The following WDR26 variants were observed in gnomAD, a reference collection of about 807,000 sequenced individuals.
WDR26 encodes the protein WD repeat domain 26.
In WDR26, 5 loss-of-function variants were observed where a neutral mutation model predicts 84.1. The ratio of observed to expected loss-of-function variants is 0.06; its 90% CI spans 0.03 to 0.13. The LOEUF (loss-of-function observed/expected upper bound fraction) is 0.13. Among genes scored for constraint, WDR26 ranks in the 10% least tolerant of loss-of-function variants. WDR26 has a pLI of 1.00. For synonymous variants in WDR26, 415 were observed against 389.6 expected (o/e 1.07, Z -0.77); for missense variants, 642 against 974.9 (o/e 0.66, Z 4.55).
At chr1:224,428,713 A>C (rs575710186) in intron 3 of WDR26, among the ~76,000 whole-genome samples, 1 of 150,960 alleles carries the variant, frequency 6.6e-6, no homozygotes, top group Non-Finnish European at 1.5e-5. Context: ...CCTGACCAAC[A>C]TGGTGAAAAC....
rs1673064525 is a variant in WDR26, at chr1:224,389,425, C to CT, written c.*409dup. 2.3e-6 allele frequency: 1 copy of CT among 438,186 alleles called. No homozygotes were observed. Among genetic ancestry groups the CT allele is most frequent in the East Asian group, 3.9e-5 (1 of 25,888 alleles). 27.1% of individuals were successfully genotyped at this position (438,186 alleles called of 1,614,324 possible). A position where few individuals can be genotyped will look rare whatever the true frequency, so the allele number is the denominator to read the frequency against. Reference sequence around the variant, plus strand: ...TGTATACTCTTCAGACTAATGCACTCTTTCTATCAAGCCTTCTAAACTGTT... The same window carrying CT: ...TGTATACTCTTCAGACTAATGCACTCTTTTCTATCAAGCCTTCTAAACTGTT... On this transcript the variant is annotated 3_prime_UTR_variant, in exon 14 of 14. Coordinates refer to ENST00000414423, the MANE Select transcript of WDR26 (RefSeq NM_001379403.1).
intron 7 of WDR26, among the ~76,000 whole-genome samples, chr1:224,405,630 CATATT>C (rs748073305): frequency 2.0e-5 from 3 of 152,178 alleles, no homozygotes; most frequent in African/African-American, 7.2e-5. Context: ...TACCCCCTCT[CATATT>C]ATAGGGAAAG....
chr1:224,404,492 C>T lies in WDR26; in HGVS notation c.1537G>A (p.Asp513Asn), dbSNP rs1553354952. The change falls in exon 8 of 14, where the codon GAC (aspartate) becomes AAC (asparagine). Residue 513 changes from aspartate to asparagine, a missense_variant. Asp to Asn is a conservative substitution (Grantham distance 23). Around this residue, in one of 2 missense-constraint regions of WDR26, gnomAD observed 351 missense variants for 672.8 expected, o/e 0.52. Transcript: ENST00000414423. ...GGGCCACAAGCAACAAGATAGTTGT[C>T]ATCTGGACTCCATGCAATATAAGAA... is the stretch of plus-strand genomic sequence containing the variant. 4 of 1,613,996 alleles carry T rather than the reference C, an allele frequency of 2.5e-6. No individual in the cohort carries two copies. Among genetic ancestry groups the T allele is most frequent in the East Asian group, 4.5e-5 (2 of 44,878 alleles).
chr1:224,417,392 T>C (rs1286395791), intron 6 of WDR26, among the ~76,000 whole-genome samples: 2 of 152,240 alleles, frequency 1.3e-5, no homozygotes, highest in East Asian at 3.8e-4. Flanking sequence ...CAATTTGTTA[T>C]TCGATATCTT....
chr1:224,401,085 ACTGTAAATGAGACCTT>A lies in WDR26; in HGVS notation c.1600-32_1600-17del. 1 of 1,608,890 alleles carries A rather than the reference ACTGTAAATGAGACCTT, an allele frequency of 6.2e-7. No individual in the cohort carries two copies. Among genetic ancestry groups the A allele is most frequent in the Admixed American group, 1.7e-5 (1 of 58,578 alleles). ...GTTCTCCTGTCTATAAGGAAATAAA[ACTGTAAATGAGACCTT>A]CAAGATACCCCTCTAAAGGAATTAT... is the stretch of plus-strand genomic sequence containing the variant. On this transcript the variant is annotated splice_polypyrimidine_tract_variant and intron_variant, in intron 8 of 13. Transcript: ENST00000414423.
intron 7 of WDR26, among the ~76,000 whole-genome samples, chr1:224,411,094 C>T (rs981119004): frequency 2.0e-5 from 3 of 152,152 alleles, no homozygotes; most frequent in African/African-American, 7.2e-5. Context: ...AACTTTGTCA[C>T]GTACTAGCTG....
intron 6 of WDR26, 58 bp from the exon 7 acceptor site, chr1:224,411,623 A>G: frequency 1.3e-6 from 2 of 1,487,082 alleles, no homozygotes; most frequent in Non-Finnish European, 1.8e-6. Flanking sequence ...AATAATAATA[A>G]AAAAGGTTAA....
intron 6 of WDR26, among the ~76,000 whole-genome samples, chr1:224,412,032 T>C (rs781178498): frequency 1.3e-5 from 2 of 152,054 alleles, no homozygotes; most frequent in African/African-American, 2.4e-5. Flanking sequence ...AAAATCAGAA[T>C]AGGCTCCAGA....
At chr1:224,407,683 T>A (rs904253254) in intron 7 of WDR26, among the ~76,000 whole-genome samples, 6 of 151,844 alleles carry the variant, frequency 4.0e-5, no homozygotes, top group Admixed American at 1.3e-4. Context: ...TAATTTTTTT[T>A]ATTTTTACTA....
chr1:224,403,860 C>T (rs1479055399), intron 8 of WDR26, among the ~76,000 whole-genome samples: 10 of 152,120 alleles, frequency 6.6e-5, no homozygotes, highest in African/African-American at 2.4e-4. Flanking sequence ...TCGCTTGAAC[C>T]CAGGAGGTGG....
At chr1:224,413,402 T>C in intron 6 of WDR26, 1 of 765,752 alleles carries the variant, frequency 1.3e-6, no homozygotes, top group Non-Finnish European at 1.8e-6. Flanking sequence ...CAATCTACCT[T>C]AGCAGATGGG....
intron 13 of WDR26, among the ~76,000 whole-genome samples, chr1:224,391,914 C>G (rs963367662): frequency 6.6e-6 from 1 of 151,942 alleles, no homozygotes; most frequent in Non-Finnish European, 1.5e-5. Context: ...AGGGCTATAC[C>G]CATGTTGCCA....
In WDR26 at chr1:224,409,081, T is replaced by A. The variant is rs138013950; in HGVS notation, c.1458+2346A>T. Among the ~76,000 whole-genome samples the A allele has an allele frequency of 6.5e-3, 995 of 152,260 alleles. 6 individuals carry two copies. The highest frequency in any genetic ancestry group is 0.023 in the African/African-American group (942 of 41,546). ...TAGTATATTAGGTAGTGGTGGGTAG[T>A]ATACTAGCTAGTATACTAAATTAGG... On this transcript the variant is annotated intron_variant, in intron 7 of 13. Transcript: ENST00000414423.
rs1417462743 is a variant in WDR26 at position 224,385,455 on chromosome 1, G to A, written c.*4380C>T. The A allele has an allele frequency of 6.6e-6, 1 of 152,378 alleles. No homozygotes were observed. Among genetic ancestry groups the A allele is most frequent in the African/African-American group, 2.4e-5 (1 of 41,402 alleles). 9.4% of individuals were successfully genotyped at this position (152,378 alleles called of 1,614,324 possible). A position where few individuals can be genotyped will look rare whatever the true frequency, so the allele number is the denominator to read the frequency against. On this transcript the variant is annotated 3_prime_UTR_variant, in exon 14 of 14. Coordinates refer to ENST00000414423, the MANE Select transcript of WDR26 (RefSeq NM_001379403.1). ...AAACTAAGTAAATATAATCTGAGAG[G>A]CAGTTAAAAAAACAAAAATCAAAAC...
At chr1:224,422,252 T>C (rs928955211) in intron 4 of WDR26, among the ~76,000 whole-genome samples, 1 of 152,102 alleles carries the variant, frequency 6.6e-6, no homozygotes, top group East Asian at 1.9e-4. Context: ...TGAGTGTCAC[T>C]AGAGTAATGA....
Position 224,430,836 on chromosome 1 carries a change from C to A in WDR26, c.927+641G>T, listed in dbSNP as rs954919900. The A allele has an allele frequency of 5.3e-5, 8 of 152,334 alleles. No homozygotes were observed. The East Asian group carries it at 1.5e-3, about 29-fold the overall frequency. 9.4% of individuals were successfully genotyped at this position (152,334 alleles called of 1,614,324 possible). ...TTAAAGCCCATAAGTCTAAAAGATT[C>A]ATTAAGAATTATGAAAGCGGCTAAC... On this transcript the variant is annotated intron_variant, in intron 3 of 13. Coordinates refer to ENST00000414423, the MANE Select transcript of WDR26 (RefSeq NM_001379403.1).
chr1:224,407,151 A>AAATATATATATATATATAT, intron 7 of WDR26, among the ~76,000 whole-genome samples: 1 of 11,876 alleles, frequency 8.4e-5, no homozygotes, highest in African/African-American at 3.9e-4. Context: ...AAAAAAAAAA[A>AAATATATATATATATATAT]ATATATATAT....
intron 10 of WDR26, 118 bp from the exon 11 acceptor site, chr1:224,398,711 T>A: frequency 8.5e-7 from 1 of 1,176,288 alleles, no homozygotes; most frequent in Non-Finnish European, 1.2e-6. Flanking sequence ...CACTATTACA[T>A]ACTATACTTC....
chr1:224,385,406 T>G lies in WDR26; in HGVS notation c.*4429A>C, dbSNP rs1013737426. On this transcript the variant is annotated 3_prime_UTR_variant, in exon 14 of 14. Transcript: ENST00000414423. ...ATCAGAGACCTGAAGTTTTTATACT[T>G]TAATGAATAAAGCAAAGAAATTTAA... 6.6e-6 allele frequency: 1 copy of G among 152,382 alleles called. No individual in the cohort carries two copies. The highest frequency in any genetic ancestry group is 2.4e-5 in the African/African-American group (1 of 41,428). The allele number at this position is 152,382 out of a possible 1,614,324, so 9.4% of individuals were successfully genotyped here. A position where few individuals can be genotyped will look rare whatever the true frequency, so the allele number is the denominator to read the frequency against.
Sources: gnomAD v4.1 joint callset for allele counts (sites outside exome capture counted in the v4.1 genomes callset) on GRCh38, gnomAD v4.1.1 for gene constraint, gnomAD v4.1.1 regional missense constraint, MANE v1.5 for transcripts, NCBI Gene and HGNC (gene_info 2026-07-23, HGNC 2026-07-21) for gene names.